DEPDC5: variants seen among roughly 807,000 people sequenced by gnomAD.
The protein encoded by DEPDC5 is DEP domain containing 5, GATOR1 subcomplex subunit.
Under a neutral mutation model 217.3 loss-of-function variants are expected in DEPDC5, and 73 were observed. That is an observed-to-expected ratio of 0.34 (90% CI 0.28 to 0.41). The LOEUF is 0.41. Among genes scored for constraint, DEPDC5 ranks in the 10% least tolerant of loss-of-function variants. DEPDC5 has a pLI of 1.00. For missense variants in DEPDC5, 1,675 were observed against 2,070.1 expected (o/e 0.81, Z 3.70); for synonymous variants, 733 against 756.7 (o/e 0.97, Z 0.51).
intron 8 of DEPDC5, among the ~76,000 whole-genome samples, chr22:31,778,912 A>G (rs974371196): frequency 2.6e-5 from 4 of 152,132 alleles, no homozygotes; most frequent in African/African-American, 9.7e-5. Flanking sequence ...GGTTGTCACA[A>G]CTGAGGGGTT....
At chr22:31,814,736 C>G (rs939553430) in intron 20 of DEPDC5, 24 of 509,918 alleles carry the variant, frequency 4.7e-5, no homozygotes, top group Non-Finnish European at 8.5e-5. Context: ...GTGGGGTCAG[C>G]CTGGAGCAGT....
chr22:31,852,339 ATTTTTTT>A (rs71320909), intron 31 of DEPDC5, among the ~76,000 whole-genome samples: 2 of 125,962 alleles, frequency 1.6e-5, no homozygotes, highest in African/African-American at 6.1e-5. Flanking sequence ...ATTTATTACT[ATTTTTTT>A]TTTTTTTTTT....
intron 6 of DEPDC5, among the ~76,000 whole-genome samples, chr22:31,767,307 AT>A (rs1569511944): frequency 1.3e-5 from 2 of 150,700 alleles, no homozygotes; most frequent in South Asian, 2.1e-4. Flanking sequence ...TGCCCGGCTA[AT>A]TTTTTTTTGA....
chr22:31,829,582 T>C (rs2090435874), intron 24 of DEPDC5, among the ~76,000 whole-genome samples: 1 of 152,096 alleles, frequency 6.6e-6, no homozygotes, highest in Non-Finnish European at 1.5e-5. Context: ...ACCTTATCTG[T>C]GACCCTACCT....
chr22:31,853,424 A>C (rs1678320104), intron 31 of DEPDC5: 1 of 152,208 alleles, frequency 6.6e-6, no homozygotes, highest in Non-Finnish European at 1.5e-5. Context: ...TTTTCTGAAT[A>C]GAGGTAGAGT....
intron 7 of DEPDC5, among the ~76,000 whole-genome samples, chr22:31,775,839 A>C (rs567253442): frequency 6.6e-6 from 1 of 151,956 alleles, no homozygotes; most frequent in East Asian, 2.0e-4. Flanking sequence ...CAGGAGTTCG[A>C]GACCAGCCTG....
At chr22:31,814,829 G>A in intron 20 of DEPDC5, 163 bp from the exon 21 acceptor site, 1 of 654,772 alleles carries the variant, frequency 1.5e-6, no homozygotes, top group South Asian at 1.9e-5. Context: ...ATCTCAAGCT[G>A]TTAAGGGTGA....
intron 39 of DEPDC5, among the ~76,000 whole-genome samples, chr22:31,896,862 A>G (rs1179888862): frequency 3.3e-5 from 5 of 152,226 alleles, no homozygotes; most frequent in African/African-American, 1.2e-4. Context: ...GATCATGCCT[A>G]TAATCCTAGC....
chr22:31,856,155 GCACACACACACACA>G (rs136863), intron 31 of DEPDC5, among the ~76,000 whole-genome samples: 2 of 140,570 alleles, frequency 1.4e-5, no homozygotes, highest in Non-Finnish European at 3.1e-5. Flanking sequence ...GGGCCAACGC[GCACACACACACACA>G]CACACACACA....
intron 24 of DEPDC5, among the ~76,000 whole-genome samples, chr22:31,823,743 T>A (rs2089918337): frequency 6.6e-6 from 1 of 152,172 alleles, no homozygotes. Flanking sequence ...AAAATATATT[T>A]AAGTTATTAA....
intron 37 of DEPDC5, among the ~76,000 whole-genome samples, chr22:31,877,860 T>G (rs1024148684): frequency 2.0e-5 from 3 of 151,648 alleles, no homozygotes; most frequent in African/African-American, 4.8e-5. Flanking sequence ...ACTCCTATCC[T>G]GCAGACAAAT....
chr22:31,869,366 A>G (rs969947972), intron 33 of DEPDC5, among the ~76,000 whole-genome samples: 14 of 152,110 alleles, frequency 9.2e-5, no homozygotes, highest in African/African-American at 3.4e-4. Context: ...CTGAATCGGA[A>G]CAGTTTGCTA....
intron 22 of DEPDC5, among the ~76,000 whole-genome samples, chr22:31,821,134 A>G (rs542889884): frequency 3.9e-5 from 6 of 152,196 alleles, no homozygotes; most frequent in Non-Finnish European, 8.8e-5. Context: ...TCTCCTAGGT[A>G]TTAACAGAAT....
intron 21 of DEPDC5, 125 bp from the exon 22 acceptor site, chr22:31,818,897 T>A: frequency 1.1e-6 from 1 of 933,054 alleles, no homozygotes; most frequent in Non-Finnish European, 1.7e-6. Context: ...TGCTCATTTC[T>A]CTCACTCCCT....
chr22:31,770,010 T>C (rs2083191126), intron 7 of DEPDC5, among the ~76,000 whole-genome samples: 1 of 151,426 alleles, frequency 6.6e-6, no homozygotes, highest in Non-Finnish European at 1.5e-5. Flanking sequence ...CTGAGTGTGC[T>C]TGAGCCCCAG....
At chr22:31,804,683 G>A (rs140174141) in intron 16 of DEPDC5, among the ~76,000 whole-genome samples, 159 bp from the exon 17 acceptor site, 8 of 152,290 alleles carry the variant, frequency 5.3e-5, no homozygotes, top group African/African-American at 9.6e-5. Context: ...CAGGTGGTCC[G>A]CCCGCCTTGG....
At chr22:31,768,434 G>A (rs542920938) in intron 6 of DEPDC5, among the ~76,000 whole-genome samples, 38 of 151,922 alleles carry the variant, frequency 2.5e-4, no homozygotes, top group Non-Finnish European at 1.5e-4. Context: ...TTTGTTGAGG[G>A]TTCCATTTTC....
chr22:31,769,259 C>CA (rs5844955), intron 7 of DEPDC5: 12,659 of 66,358 alleles, frequency 0.19, 698 homozygotes, highest in Admixed American at 0.25. Flanking sequence ...AACTCCGTCT[C>CA]AAAAAAAAAA....
intron 24 of DEPDC5, chr22:31,831,173 T>C (rs1452315873): frequency 6.6e-6 from 1 of 152,142 alleles, no homozygotes; most frequent in African/African-American, 2.4e-5. Context: ...ATCTGTAAAG[T>C]TGAGCAGAAA....
Sources: allele counts gnomAD v4.1 joint callset (sites outside exome capture counted in the v4.1 genomes callset), GRCh38; gene constraint gnomAD v4.1.1; transcripts MANE v1.5; gene names NCBI Gene and HGNC (gene_info 2026-07-23, HGNC 2026-07-21).